FRMD4A: variants seen among roughly 807,000 people sequenced by gnomAD.
FRMD4A encodes the protein FERM domain-containing protein 4A.
A neutral mutation model predicts 129.1 loss-of-function variants in FRMD4A; 29 were observed. The ratio of observed to expected loss-of-function variants is 0.22; its 90% CI spans 0.17 to 0.31. The LOEUF (loss-of-function observed/expected upper bound fraction) is 0.31. Ranked by LOEUF, FRMD4A falls within the 10% of genes least tolerant of loss-of-function variation. The probability of loss-of-function intolerance (pLI) is 1.00; values close to 1 mark genes in which losing one functional copy is unlikely to be tolerated. For missense variants in FRMD4A, 1,272 were observed against 1,375.8 expected, an observed-to-expected ratio of 0.92 and a Z score of 1.19; for synonymous variants, 634 against 571.6, an observed-to-expected ratio of 1.11 and a Z score of -1.56.
At chr10:13,688,207 T>C (rs1405113676) in intron 15 of FRMD4A, among the ~76,000 whole-genome samples, 4 of 152,170 alleles carry the variant, frequency 2.6e-5, no homozygotes, top group Non-Finnish European at 5.9e-5. Flanking sequence ...TGGAATACTA[T>C]GCAGCCATAA....
In FRMD4A at chr10:13,917,195, G is replaced by A. The variant is rs570266034; in HGVS notation, c.46-58283C>T. Among the ~76,000 whole-genome samples the A allele has an allele frequency of 1.3e-4, 20 of 152,262 alleles. 1 individual carries two copies. The South Asian group carries it at 4.1e-3, about 32-fold the overall frequency. ...GTGATTCGGATTGACAAACACAGGA[G>A]GGATAAGCATGCGGATATTAATATT... On this transcript the variant is annotated intron_variant, in intron 2 of 24. Coordinates refer to ENST00000357447, the MANE Select transcript of FRMD4A (RefSeq NM_018027.5).
At chr10:14,109,970 C>G (rs1837800320) in intron 2 of FRMD4A, among the ~76,000 whole-genome samples, 1 of 148,986 alleles carries the variant, frequency 6.7e-6, no homozygotes, top group Non-Finnish European at 1.5e-5. Context: ...GACTCCGTCT[C>G]CCTCCCCCAA....
At chr10:13,933,540 A>T (rs1162653065) in intron 2 of FRMD4A, among the ~76,000 whole-genome samples, 3 of 152,172 alleles carry the variant, frequency 2.0e-5, no homozygotes, top group Non-Finnish European at 2.9e-5. Context: ...ACATTACTAC[A>T]TTTGAAAGAA....
Position 13,651,373 on chromosome 10 carries a change from C to T in FRMD4A, c.*2+530G>A, listed in dbSNP as rs574954565. ...GCAGTGATGCTGTTCTTTTCAGGGACACTGATTACTCACAGTAAAATGTCT... is the reference window on the plus strand; with the variant it reads ...GCAGTGATGCTGTTCTTTTCAGGGATACTGATTACTCACAGTAAAATGTCT... On this transcript the variant is annotated intron_variant, in intron 24 of 24. Transcript: ENST00000357447. 6.0e-4 allele frequency: 92 copies of T among 153,196 alleles called. No individual in the cohort carries two copies. In the South Asian group the frequency reaches 7.0e-3, roughly 12 times the overall value. The allele number at this position is 153,196 out of a possible 1,614,324, so 9.5% of individuals were successfully genotyped here.
intron 15 of FRMD4A, among the ~76,000 whole-genome samples, chr10:13,686,280 G>T (rs1450070788): frequency 6.6e-6 from 1 of 152,226 alleles, no homozygotes; most frequent in Non-Finnish European, 1.5e-5. Context: ...AAAAGAGAAG[G>T]GATGAAGACA....
intron 2 of FRMD4A, among the ~76,000 whole-genome samples, chr10:14,256,920 A>G (rs1164492180): frequency 6.6e-6 from 1 of 152,230 alleles, no homozygotes; most frequent in African/African-American, 2.4e-5. Flanking sequence ...GAGCAATTTA[A>G]GAAAATAAAA....
intron 2 of FRMD4A, among the ~76,000 whole-genome samples, chr10:14,257,632 C>G (rs1014776896): frequency 6.6e-6 from 1 of 152,122 alleles, no homozygotes; most frequent in Non-Finnish European, 1.5e-5. Context: ...GGGCCCTAAT[C>G]CAATGACTGG....
intron 2 of FRMD4A, among the ~76,000 whole-genome samples, chr10:14,124,027 A>G (rs1170302942): frequency 1.3e-5 from 2 of 152,108 alleles, no homozygotes; most frequent in Non-Finnish European, 2.9e-5. Context: ...CAAATATTTG[A>G]TCAAAAGTCC....
intron 2 of FRMD4A, among the ~76,000 whole-genome samples, chr10:14,171,989 T>C (rs1841500595): frequency 6.6e-6 from 1 of 152,214 alleles, no homozygotes; most frequent in Admixed American, 6.5e-5. Context: ...CGCTGGGTAA[T>C]TTCAACAACA....
At chr10:14,207,706 A>G (rs1000153232) in intron 2 of FRMD4A, among the ~76,000 whole-genome samples, 14 of 151,970 alleles carry the variant, frequency 9.2e-5, no homozygotes, top group Admixed American at 4.6e-4. Flanking sequence ...ACACACACAC[A>G]CACACACACA....
At chr10:14,206,609 G>A (rs1351109988) in intron 2 of FRMD4A, among the ~76,000 whole-genome samples, 1 of 151,788 alleles carries the variant, frequency 6.6e-6, no homozygotes, top group Non-Finnish European at 1.5e-5. Flanking sequence ...ACCAGCCTGG[G>A]CAACACGGCG....
At chr10:14,099,221 G>T (rs1249251460) in intron 2 of FRMD4A, among the ~76,000 whole-genome samples, 1 of 152,158 alleles carries the variant, frequency 6.6e-6, no homozygotes, top group Non-Finnish European at 1.5e-5. Context: ...CCATGGTTCA[G>T]CTTTCCTTTT....
chr10:13,948,816 T>A (rs1410600073), intron 2 of FRMD4A, among the ~76,000 whole-genome samples: 2 of 151,898 alleles, frequency 1.3e-5, no homozygotes. Flanking sequence ...CATACCCAGC[T>A]AATTTTTGTA....
chr10:13,748,979 A>C (rs975309294), intron 8 of FRMD4A, among the ~76,000 whole-genome samples: 1 of 152,104 alleles, frequency 6.6e-6, no homozygotes, highest in Non-Finnish European at 1.5e-5. Context: ...AGATGCTTTA[A>C]ACTCCCCTAG....
chr10:14,164,510 A>G (rs999801031), intron 2 of FRMD4A, among the ~76,000 whole-genome samples: 2 of 152,204 alleles, frequency 1.3e-5, no homozygotes, highest in African/African-American at 4.8e-5. Context: ...CTTGTGGGTT[A>G]AACACTAAGG....
At chr10:14,168,799 A>G (rs1232247214) in intron 2 of FRMD4A, among the ~76,000 whole-genome samples, 1 of 152,178 alleles carries the variant, frequency 6.6e-6, no homozygotes, top group African/African-American at 2.4e-5. Context: ...AAAAAAACTG[A>G]GGCTCAAAAA....
intron 2 of FRMD4A, among the ~76,000 whole-genome samples, chr10:13,938,684 A>G (rs1026578): frequency 0.016 from 2,499 of 152,334 alleles, 71 homozygotes; most frequent in African/African-American, 0.057. Flanking sequence ...ATCCTCCACT[A>G]GGGGTGATTT....
intron 2 of FRMD4A, among the ~76,000 whole-genome samples, chr10:14,010,600 T>G (rs2095678279): frequency 6.6e-6 from 1 of 151,488 alleles, no homozygotes; most frequent in Admixed American, 6.6e-5. Flanking sequence ...AAAAATATCT[T>G]TCTGATTGTC....
chr10:14,172,665 T>C (rs1841537038), intron 2 of FRMD4A, among the ~76,000 whole-genome samples: 1 of 152,242 alleles, frequency 6.6e-6, no homozygotes. Flanking sequence ...AACCTCATCC[T>C]GTCAATCAAG....
Sources: allele counts gnomAD v4.1 joint callset (sites outside exome capture counted in the v4.1 genomes callset), GRCh38; gene constraint gnomAD v4.1.1; transcripts MANE v1.5; gene names NCBI Gene and HGNC (gene_info 2026-07-23, HGNC 2026-07-21).